Variants in PTK2B observed in about 807,000 individuals in gnomAD.
PTK2B encodes protein tyrosine kinase 2 beta, also known as protein-tyrosine kinase 2-beta.
A neutral mutation model predicts 142.9 loss-of-function variants in PTK2B; 71 were observed. The ratio of observed to expected loss-of-function variants is 0.50; its 90% CI spans 0.41 to 0.61. The LOEUF (loss-of-function observed/expected upper bound fraction) is 0.61, where lower values mean the gene tolerates loss of function less well. Among genes scored for constraint, PTK2B ranks in the 20% least tolerant of loss-of-function variants. The pLI is 0.00. For missense variants in PTK2B, 1,105 were observed against 1,320.4 expected (o/e 0.84, Z 2.53); for synonymous variants, 519 against 503.4 (o/e 1.03, Z -0.42).
rs1803360110 is a variant in PTK2B, at chr8:27,325,608, T to A, written c.-111T>A. 6.6e-6 allele frequency: 1 copy of A among 152,610 alleles called. No individual in the cohort carries two copies. The highest frequency in any genetic ancestry group is 3.4e-3 in the Middle Eastern group (1 of 296). 9.5% of individuals were successfully genotyped at this position (152,610 alleles called of 1,614,324 possible). A position where few individuals can be genotyped will look rare whatever the true frequency, so the allele number is the denominator to read the frequency against. ...TGCACACCTACCTGCCCGGCCGACT[T>A]ACCTGTACTTGCCGCCGTCCCGGCT... On this transcript the variant is annotated 5_prime_UTR_variant, in exon 1 of 31. Coordinates refer to ENST00000346049, the MANE Select transcript of PTK2B (RefSeq NM_173176.3).
chr8:27,392,579 G>A (rs911285897), intron 1 of PTK2B, among the ~76,000 whole-genome samples: 3 of 152,124 alleles, frequency 2.0e-5, no homozygotes, highest in Non-Finnish European at 2.9e-5. Context: ...AAAGTTACTT[G>A]CACAAGATTT....
intron 1 of PTK2B, among the ~76,000 whole-genome samples, chr8:27,334,956 GC>G (rs1484876919): frequency 6.6e-6 from 1 of 152,148 alleles, no homozygotes; most frequent in Non-Finnish European, 1.5e-5. Flanking sequence ...TGTGAGTCTT[GC>G]CTTTCCCTTT....
At position 27,442,999 on chromosome 8, in the gene PTK2B, G is replaced by A. The variant is rs1302386050; in HGVS notation, c.2148+16G>A. 2.5e-6 allele frequency: 4 copies of A among 1,596,588 alleles called. No individual in the cohort carries two copies. The South Asian group carries it at 4.4e-5, about 18-fold the overall frequency. On this transcript the variant is annotated intron_variant, in intron 22 of 30. Transcript: ENST00000346049. Reference sequence around the variant, plus strand: ...CCCACCCAAGGTAAGCCAAGCCATGGCCTCATAAGTCCTGTGAGTCAAAGC... The same window carrying A: ...CCCACCCAAGGTAAGCCAAGCCATGACCTCATAAGTCCTGTGAGTCAAAGC...
Position 27,432,315 on chromosome 8 carries a change from A to G in PTK2B, c.941A>G (p.Glu314Gly), listed in dbSNP as rs776766099. ...AGGTCCATCAGGTGCCTCCCGCTGG[A>G]GGAGGGCCAGGCAGTACTTCAGCTG... ...QIRSIRCLPL[E>G]EGQAVLQLGI... is the part of the protein sequence containing the mutation. Residue 314 changes from glutamate (E) to glycine (G), a missense_variant, in exon 10 of 31, where the codon GAG becomes GGG. Glu to Gly is a moderately conservative substitution (Grantham distance 98). Coordinates refer to ENST00000346049, the MANE Select transcript of PTK2B (RefSeq NM_173176.3). 4 of 1,613,946 alleles carry G rather than the reference A, an allele frequency of 2.5e-6. No individual in the cohort carries two copies. The Admixed American group carries it at 6.7e-5, about 27-fold the overall frequency.
At chr8:27,408,617 G>A (rs952216088) in intron 2 of PTK2B, among the ~76,000 whole-genome samples, 2 of 152,018 alleles carry the variant, frequency 1.3e-5, no homozygotes, top group Admixed American at 1.3e-4. Flanking sequence ...ATTTTTTTCA[G>A]TGAACCTTTA....
At chr8:27,407,575 C>A (rs890226704) in intron 2 of PTK2B, among the ~76,000 whole-genome samples, 1 of 152,138 alleles carries the variant, frequency 6.6e-6, no homozygotes, top group Non-Finnish European at 1.5e-5. Context: ...CACCTGTACC[C>A]CTCTATAGGG....
intron 2 of PTK2B, among the ~76,000 whole-genome samples, chr8:27,400,265 GA>G (rs1462313571): frequency 1.3e-5 from 2 of 152,166 alleles, no homozygotes; most frequent in Non-Finnish European, 2.9e-5. Flanking sequence ...AGACTTCTCA[GA>G]ACCTTAAATA....
intron 1 of PTK2B, among the ~76,000 whole-genome samples, chr8:27,341,064 A>C (rs1298739274): frequency 6.6e-6 from 1 of 152,150 alleles, no homozygotes; most frequent in Non-Finnish European, 1.5e-5. Context: ...AATTGGGCTC[A>C]GCTATTCCAT....
chr8:27,451,366 A>G (rs1811799616), intron 26 of PTK2B, 119 bp from the exon 27 acceptor site: 9 of 1,504,272 alleles, frequency 6.0e-6, no homozygotes. Flanking sequence ...AGCACCCCCG[A>G]CCCCATGGCT....
At chr8:27,386,280 T>C (rs953376891) in intron 1 of PTK2B, among the ~76,000 whole-genome samples, 3 of 152,206 alleles carry the variant, frequency 2.0e-5, no homozygotes, top group Non-Finnish European at 4.4e-5. Flanking sequence ...TTTGTGCAAA[T>C]GCTTCACACC....
chr8:27,335,851 C>G (rs544991970), intron 1 of PTK2B, among the ~76,000 whole-genome samples: 1 of 152,254 alleles, frequency 6.6e-6, no homozygotes, highest in Admixed American at 6.5e-5. Flanking sequence ...GACTTTTTAG[C>G]AAAGCTTTCT....
At chr8:27,325,988 G>T (rs1198608731) in intron 1 of PTK2B, among the ~76,000 whole-genome samples, 8 of 152,126 alleles carry the variant, frequency 5.3e-5, no homozygotes. Context: ...GTGACGGTGT[G>T]AGGGCACAGC....
chr8:27,374,649 T>C (rs1806560514), intron 1 of PTK2B, among the ~76,000 whole-genome samples: 1 of 152,060 alleles, frequency 6.6e-6, no homozygotes, highest in Non-Finnish European at 1.5e-5. Context: ...TGGCCTCCAG[T>C]GTGAGTGTGA....
intron 2 of PTK2B, among the ~76,000 whole-genome samples, chr8:27,400,983 CA>C (rs1808348929): frequency 6.6e-6 from 1 of 151,904 alleles, no homozygotes; most frequent in African/African-American, 2.4e-5. Context: ...CCATCTCTAC[CA>C]AAAAATTAGC....
At chr8:27,330,484 G>A (rs952140028) in intron 1 of PTK2B, among the ~76,000 whole-genome samples, 2 of 152,158 alleles carry the variant, frequency 1.3e-5, no homozygotes, top group Non-Finnish European at 2.9e-5. Flanking sequence ...TTTAGACAGC[G>A]AAGAGACTGT....
At chr8:27,352,703 C>CT (rs1392072084) in intron 1 of PTK2B, among the ~76,000 whole-genome samples, 1 of 152,158 alleles carries the variant, frequency 6.6e-6, no homozygotes, top group African/African-American at 2.4e-5. Context: ...GTGAATATGT[C>CT]TTGTGAGATC....
In PTK2B at chr8:27,430,969, G is replaced by A. The variant is rs1239080079; in HGVS notation, c.763G>A (p.Ala255Thr). Residue 255 changes from alanine to threonine, a missense_variant, in exon 8 of 31, where the codon GCC becomes ACC. Ala to Thr is a moderately conservative substitution (Grantham distance 58). Transcript: ENST00000346049. ...CGTCATGAAGTTCTTCAACACTCTC[G>A]CCGGCTTCGCCAACATCGACCAGGA... ...ECVMKFFNTL[A>T]GFANIDQETY... The A allele has an allele frequency of 6.2e-6, 10 of 1,613,970 alleles. No homozygotes were observed. Among genetic ancestry groups the A allele is most frequent in the African/African-American group, 1.3e-5 (1 of 74,898 alleles).
At chr8:27,376,088 G>A (rs1466326208) in intron 1 of PTK2B, among the ~76,000 whole-genome samples, 1 of 152,222 alleles carries the variant, frequency 6.6e-6, no homozygotes, top group East Asian at 1.9e-4. Flanking sequence ...GGAGCCCCAG[G>A]TGTGGGCTGT....
chr8:27,320,979 G>GTTTTTTTTT (rs1257774872), upstream of PTK2B, among the ~76,000 whole-genome samples: 10 of 32,656 alleles, frequency 3.1e-4, no homozygotes, highest in African/African-American at 7.1e-4. Context: ...CATACAAAAG[G>GTTTTTTTTT]CTTTTTTTTT....
Sources: gnomAD v4.1 joint callset for allele counts (sites outside exome capture counted in the v4.1 genomes callset) on GRCh38, gnomAD v4.1.1 for gene constraint, MANE v1.5 for transcripts, NCBI Gene and HGNC (gene_info 2026-07-23, HGNC 2026-07-21) for gene names.